The following SRPX2 variants were observed in gnomAD, a reference collection of about 807,000 sequenced individuals.
SRPX2 encodes the protein sushi repeat-containing protein SRPX2.
In SRPX2, 26 loss-of-function variants were observed where a neutral mutation model predicts 45.3. The ratio of observed to expected loss-of-function variants is 0.57; its 90% CI spans 0.42 to 0.80. The LOEUF is 0.80. SRPX2 is among the 30% of genes least tolerant of loss of function. The pLI is 0.00. For missense variants in SRPX2, 355 were observed against 399.8 expected (o/e 0.89, Z 0.95); for synonymous variants, 125 against 143.7 (o/e 0.87, Z 0.93).
At chrX:100,653,486 T>C (rs1032915746) in intron 3 of SRPX2, among the ~76,000 whole-genome samples, 3 of 111,101 alleles carry the variant, frequency 2.7e-5, no homozygotes, top group African/African-American at 6.6e-5. Flanking sequence ...TGCCTCTAAC[T>C]GGATTATCTG....
chrX:100,660,264 C>T (rs939451139), intron 3 of SRPX2, among the ~76,000 whole-genome samples: 94 of 111,777 alleles, frequency 8.4e-4, no homozygotes, highest in Non-Finnish European at 1.4e-3. Context: ...AGTTCCATCA[C>T]TTCAAAATCT....
intron 3 of SRPX2, among the ~76,000 whole-genome samples, chrX:100,653,804 T>C (rs1288664258): frequency 8.9e-6 from 1 of 112,831 alleles, no homozygotes; most frequent in Non-Finnish European, 1.9e-5. Context: ...TTTGGTTAAC[T>C]TTTTATTACC....
chrX:100,657,329 C>A (rs1426602008), intron 3 of SRPX2, among the ~76,000 whole-genome samples: 1 of 67,100 alleles, frequency 1.5e-5, no homozygotes, highest in Admixed American at 2.0e-4. Context: ...TGCATCCTGG[C>A]CGGCATCTGT....
chrX:100,667,073 A>G, intron 8 of SRPX2, 140 bp downstream of exon 8: 1 of 996,224 alleles, frequency 1.0e-6, no homozygotes, highest in Non-Finnish European at 1.4e-6. Flanking sequence ...TTTAAAGGCC[A>G]ACATTCCCCC....
intron 2 of SRPX2, among the ~76,000 whole-genome samples, chrX:100,647,127 G>A (rs1397137160): frequency 3.6e-5 from 4 of 112,013 alleles, no homozygotes; most frequent in Non-Finnish European, 7.5e-5. Flanking sequence ...ATAATGAAGT[G>A]GCATACAGAG....
chrX:100,648,814 A>G (rs915148431), intron 2 of SRPX2, among the ~76,000 whole-genome samples: 1 of 111,884 alleles, frequency 8.9e-6, no homozygotes, highest in Non-Finnish European at 1.9e-5. Context: ...TGCAAAAGAG[A>G]TTTTGGACTT....
intron 3 of SRPX2, among the ~76,000 whole-genome samples, chrX:100,657,896 G>A (rs1161863186): frequency 8.9e-6 from 1 of 112,730 alleles, no homozygotes; most frequent in African/African-American, 3.2e-5. Context: ...CCAAAGTGCT[G>A]GGATTACAGG....
At chrX:100,663,366 A>G (rs1206564270) in intron 4 of SRPX2, among the ~76,000 whole-genome samples, 1 of 112,091 alleles carries the variant, frequency 8.9e-6, no homozygotes, top group Admixed American at 9.4e-5. Flanking sequence ...CCAGGTGCCT[A>G]CAATGAGTCA....
At chrX:100,665,090 G>A (rs2083200167) in intron 5 of SRPX2, 140 bp downstream of exon 5, 1 of 1,057,635 alleles carries the variant, frequency 9.5e-7, no homozygotes, top group South Asian at 2.0e-5. Flanking sequence ...TAAACAAAAT[G>A]ATCTTCTCCC....
intron 3 of SRPX2, among the ~76,000 whole-genome samples, chrX:100,659,698 T>C (rs746339888): frequency 9.0e-6 from 1 of 111,116 alleles, no homozygotes; most frequent in Non-Finnish European, 1.9e-5. Context: ...GATTTCTCAC[T>C]GTCATCTGTC....
At position 100,673,018 on chromosome X, in the gene SRPX2, T is replaced by G. The variant is rs781240465; in HGVS notation, c.*2031T>G. 8.9e-6 allele frequency: 1 copy of G among 112,066 alleles called. No individual in the cohort carries two copies. The highest frequency in any genetic ancestry group is 9.4e-5 in the Admixed American group (1 of 10,636). The allele number at this position is 112,066 out of a possible 1,213,427, so 9.2% of individuals were successfully genotyped here. A position where few individuals can be genotyped will look rare whatever the true frequency, so the allele number is the denominator to read the frequency against. ...CTTCTCCCTCTTCCCTCCAGGGAAA[T>G]ATGGGAACTGTGAGAGGCAGCAGGC... On this transcript the variant is annotated 3_prime_UTR_variant, in exon 11 of 11. Coordinates refer to ENST00000373004, the MANE Select transcript of SRPX2 (RefSeq NM_014467.3).
chrX:100,667,043 G>T, intron 8 of SRPX2, 110 bp downstream of exon 8: 4 of 1,065,507 alleles, frequency 3.8e-6, no homozygotes, highest in African/African-American at 3.7e-5. Context: ...TGGGAAAGGG[G>T]GGTTCTGGGA....
In SRPX2 at chrX:100,670,976, A is replaced by G; in HGVS notation, c.1387A>G (p.Ile463Val). Residue 463 changes from isoleucine to valine, a missense_variant, in exon 11 of 11, where the codon ATA becomes GTA. Transcript: ENST00000373004. Reference sequence around the variant, plus strand: ...GACCCAGCGTCGGGAGCAAAGGGACATATGCGAGTGAACTTGAGCCAGGGC... The same window carrying G: ...GACCCAGCGTCGGGAGCAAAGGGACGTATGCGAGTGAACTTGAGCCAGGGC... Reference protein sequence around the residue: ...ELTQRREQRDICE With the variant: ...ELTQRREQRDVCE The G allele has an allele frequency of 8.3e-7, 1 of 1,209,346 alleles. No homozygotes were observed. The highest frequency in any genetic ancestry group is 1.1e-6 in the Non-Finnish European group (1 of 894,089).
In SRPX2 at chrX:100,646,373, A is replaced by T. The variant is rs1333784804; in HGVS notation, c.51A>T (p.Leu17=). 1.7e-6 allele frequency: 2 copies of T among 1,211,101 alleles called. No individual in the cohort carries two copies. Among genetic ancestry groups the T allele is most frequent in the Non-Finnish European group, 2.2e-6 (2 of 895,399 alleles). The change falls in exon 2 of 11, where the codon CTA becomes CTT. Residue 17 remains leucine (L), a synonymous_variant. Coordinates refer to ENST00000373004, the MANE Select transcript of SRPX2 (RefSeq NM_014467.3). Reference sequence around the variant, plus strand: ...GAGCTCTCTTTCTGCTGTTCTTCCTAACTCCGGCAGTGACACCAACATGGT... The same window carrying T: ...GAGCTCTCTTTCTGCTGTTCTTCCTTACTCCGGCAGTGACACCAACATGGT... ...QRGALFLLFF[L]TPAVTPTWYA... is the part of the protein sequence containing the mutation.
At chrX:100,651,439 A>C (rs966862931) in intron 3 of SRPX2, among the ~76,000 whole-genome samples, 1 of 110,942 alleles carries the variant, frequency 9.0e-6, no homozygotes, top group Non-Finnish European at 1.9e-5. Context: ...CTAAGAAGAA[A>C]CCAGCCTGAT....
rs1378790840 is a variant in SRPX2 at position 100,674,919 on chromosome X, G to C, written c.*3932G>C. The C allele has an allele frequency of 1.8e-5, 2 of 111,552 alleles. No homozygotes were observed. The highest frequency in any genetic ancestry group is 1.9e-4 in the Admixed American group (2 of 10,485). 9.2% of individuals were successfully genotyped at this position (111,552 alleles called of 1,213,427 possible). ...AATTTAGGAAACAATAGCAAAAACA[G>C]GAACTGAAAGCTCATCAAGCAGGAA... On this transcript the variant is annotated 3_prime_UTR_variant, in exon 11 of 11. Transcript: ENST00000373004.
At chrX:100,660,755 C>A (rs1402433896) in intron 3 of SRPX2, among the ~76,000 whole-genome samples, 1 of 110,443 alleles carries the variant, frequency 9.1e-6, no homozygotes, top group African/African-American at 3.3e-5. Context: ...GCAGGAGAAT[C>A]AAGCTTGAAC....
intron 5 of SRPX2, 118 bp downstream of exon 5, chrX:100,665,068 C>T: frequency 3.8e-6 from 4 of 1,062,838 alleles, no homozygotes; most frequent in Non-Finnish European, 5.1e-6. Flanking sequence ...GGGTGGCACC[C>T]TGGGTATTTG....
chrX:100,645,557 G>C (rs185566670), intron 1 of SRPX2, among the ~76,000 whole-genome samples: 48 of 111,974 alleles, frequency 4.3e-4, no homozygotes, highest in Non-Finnish European at 7.7e-4. Context: ...GCTAAGAACA[G>C]AGCCAGAGTC....
Sources: gnomAD v4.1 joint callset for allele counts (sites outside exome capture counted in the v4.1 genomes callset) on GRCh38, gnomAD v4.1.1 for gene constraint, MANE v1.5 for transcripts, NCBI Gene and HGNC (gene_info 2026-07-23, HGNC 2026-07-21) for gene names.